ERBB4: variants seen among roughly 807,000 people sequenced by gnomAD.
ERBB4 encodes the protein erb-b2 receptor tyrosine kinase 4.
ERBB4 carries 42 observed loss-of-function variants against 158.0 expected under a neutral mutation model. That is an observed-to-expected ratio of 0.27 (90% CI 0.21 to 0.34). The LOEUF (loss-of-function observed/expected upper bound fraction) is 0.34, where lower values mean the gene tolerates loss of function less well. Ranked by LOEUF, ERBB4 falls within the 10% of genes least tolerant of loss-of-function variation. The pLI is 1.00. For missense variants in ERBB4, 1,333 were observed against 1,624.1 expected (o/e 0.82, Z 3.08); for synonymous variants, 583 against 558.7 (o/e 1.04, Z -0.61).
chr2:211,442,045 C>T (rs773091891), intron 20 of ERBB4, among the ~76,000 whole-genome samples: 1 of 152,062 alleles, frequency 6.6e-6, no homozygotes, highest in Non-Finnish European at 1.5e-5. Flanking sequence ...ACCACGTTTT[C>T]ACTCAGGTAG....
At chr2:211,645,789 A>T (rs12694249) in intron 16 of ERBB4, among the ~76,000 whole-genome samples, 1 of 151,508 alleles carries the variant, frequency 6.6e-6, no homozygotes, top group Admixed American at 6.6e-5. Flanking sequence ...TTAAACTCAC[A>T]TTGTAACTTC....
intron 1 of ERBB4, among the ~76,000 whole-genome samples, chr2:212,453,378 A>AT (rs1178306818): frequency 6.6e-6 from 1 of 152,220 alleles, no homozygotes; most frequent in Non-Finnish European, 1.5e-5. Context: ...AAATGGAGAT[A>AT]TTCAAGAATG....
chr2:212,106,670 C>A (rs953825870), intron 2 of ERBB4, among the ~76,000 whole-genome samples: 3 of 152,230 alleles, frequency 2.0e-5, no homozygotes, highest in Non-Finnish European at 2.9e-5. Flanking sequence ...ATGTCAGAGA[C>A]CTTCAAAGCA....
intron 3 of ERBB4, among the ~76,000 whole-genome samples, chr2:211,839,815 G>GGTGAGT (rs1228708478): frequency 6.6e-6 from 1 of 151,642 alleles, no homozygotes; most frequent in Non-Finnish European, 1.5e-5. Flanking sequence ...CTCCAAGATG[G>GGTGAGT]GTGAGTGTGC....
At chr2:211,756,025 T>G (rs2075280224) in intron 4 of ERBB4, among the ~76,000 whole-genome samples, 2 of 152,202 alleles carry the variant, frequency 1.3e-5, no homozygotes, top group South Asian at 4.1e-4. Context: ...AATACCTTTT[T>G]TATGACCATA....
rs573393348 is a variant in ERBB4 at position 211,694,704 on chromosome 2, T to G, written c.1489+7263A>C. Among the ~76,000 whole-genome samples the G allele has an allele frequency of 1.2e-4, 18 of 152,296 alleles. 1 individual carries two copies. In the South Asian group the frequency reaches 3.7e-3, roughly 32 times the overall value. On this transcript the variant is annotated intron_variant, in intron 12 of 27. Transcript: ENST00000342788. ...TCACTATATTCAAAGTTACACACTTTATGGTTCATACCAAGCTATGGTTTA... is the reference window on the plus strand; with the variant it reads ...TCACTATATTCAAAGTTACACACTTGATGGTTCATACCAAGCTATGGTTTA...
intron 3 of ERBB4, among the ~76,000 whole-genome samples, chr2:211,901,036 T>C (rs2079220671): frequency 6.6e-6 from 1 of 152,216 alleles, no homozygotes; most frequent in Non-Finnish European, 1.5e-5. Context: ...ACAAATATTA[T>C]ATACTATAAA....
intron 15 of ERBB4, among the ~76,000 whole-genome samples, chr2:211,663,299 G>A (rs2071502223): frequency 6.6e-6 from 1 of 152,204 alleles, no homozygotes; most frequent in South Asian, 2.1e-4. Context: ...ATGGCAGAAA[G>A]CTAAATGAAA....
chr2:212,020,728 A>G (rs1022118820), intron 2 of ERBB4, among the ~76,000 whole-genome samples: 4 of 152,252 alleles, frequency 2.6e-5, no homozygotes, highest in South Asian at 2.1e-4. Flanking sequence ...TACTGCCTGT[A>G]GTAGTTACTT....
intron 1 of ERBB4, among the ~76,000 whole-genome samples, chr2:212,142,610 AATAT>A (rs1038999989): frequency 6.8e-6 from 1 of 147,704 alleles, no homozygotes; most frequent in African/African-American, 2.5e-5. Flanking sequence ...ATAATATTAA[AATAT>A]ATATATAATA....
intron 3 of ERBB4, among the ~76,000 whole-genome samples, chr2:211,801,742 A>C (rs1467699887): frequency 6.6e-6 from 1 of 152,206 alleles, no homozygotes; most frequent in Non-Finnish European, 1.5e-5. Flanking sequence ...TGTGAATTTA[A>C]AAAGATTTAA....
At chr2:211,775,173 C>T (rs2075841454) in intron 4 of ERBB4, among the ~76,000 whole-genome samples, 1 of 152,152 alleles carries the variant, frequency 6.6e-6, no homozygotes, top group Admixed American at 6.5e-5. Context: ...GGACAATGAG[C>T]TATCACCAGG....
chr2:212,222,358 A>C (rs2083317359), intron 1 of ERBB4, among the ~76,000 whole-genome samples: 1 of 151,610 alleles, frequency 6.6e-6, no homozygotes, highest in African/African-American at 2.4e-5. Flanking sequence ...AAAAAATTAC[A>C]CAGTATATGA....
intron 1 of ERBB4, among the ~76,000 whole-genome samples, chr2:212,338,485 TA>T (rs1451591497): frequency 6.6e-6 from 1 of 152,134 alleles, no homozygotes; most frequent in African/African-American, 2.4e-5. Flanking sequence ...TGAAAAATAA[TA>T]GTTCAAAGTA....
At chr2:211,993,446 G>C (rs763402841) in intron 2 of ERBB4, among the ~76,000 whole-genome samples, 1 of 152,080 alleles carries the variant, frequency 6.6e-6, no homozygotes, top group East Asian at 1.9e-4. Context: ...AAGCCACTCA[G>C]GGTGTGCTAT....
chr2:212,373,787 A>ATGTATATAT lies in ERBB4; in HGVS notation c.82+164661_82+164662insATATATACA, dbSNP rs1560145061. ...CACGTATATATCCATGTATATATCC[A>ATGTATATAT]CGTATATATATCCATATATATATCC... On this transcript the variant is annotated intron_variant, in intron 1 of 27. Coordinates refer to ENST00000342788, the MANE Select transcript of ERBB4 (RefSeq NM_005235.3). 4.1e-5 allele frequency among the ~76,000 whole-genome samples: 4 copies of ATGTATATAT among 97,646 alleles called. No homozygotes were observed. The East Asian group carries it at 6.9e-4, about 17-fold the overall frequency. 64.1% of individuals were successfully genotyped at this position (97,646 alleles called of 152,430 possible). A position where few individuals can be genotyped will look rare whatever the true frequency, so the allele number is the denominator to read the frequency against.
intron 20 of ERBB4, among the ~76,000 whole-genome samples, chr2:211,548,776 G>A (rs548654810): frequency 6.6e-6 from 1 of 152,104 alleles, no homozygotes; most frequent in South Asian, 2.1e-4. Flanking sequence ...GAATCCTTAG[G>A]GTTCCATGAA....
intron 2 of ERBB4, among the ~76,000 whole-genome samples, chr2:212,003,151 A>AGGAG (rs1559292436): frequency 5.6e-5 from 1 of 17,850 alleles, no homozygotes; most frequent in East Asian, 1.6e-3. Context: ...GAAGGAAGGA[A>AGGAG]AGAAAGAAAG....
intron 1 of ERBB4, among the ~76,000 whole-genome samples, chr2:212,128,019 C>T (rs1249414006): frequency 2.0e-5 from 3 of 152,162 alleles, no homozygotes; most frequent in East Asian, 1.9e-4. Context: ...CTCTAAATTC[C>T]GCATTAAATA....
Sources: allele counts gnomAD v4.1 joint callset (sites outside exome capture counted in the v4.1 genomes callset), GRCh38; gene constraint gnomAD v4.1.1; transcripts MANE v1.5; gene names NCBI Gene and HGNC (gene_info 2026-07-23, HGNC 2026-07-21).